The following SHKBP1 variants were observed in gnomAD, a reference collection of about 807,000 sequenced individuals.
The protein encoded by SHKBP1 is SH3KBP1 binding protein 1.
In SHKBP1, 71 loss-of-function variants were observed where a neutral mutation model predicts 83.9. That is an observed-to-expected ratio of 0.85 (90% CI 0.70 to 1.03). The LOEUF (loss-of-function observed/expected upper bound fraction) is 1.03. Ranked by LOEUF, SHKBP1 falls within the 50% of genes least tolerant of loss-of-function variation. The pLI is 0.00. For missense variants in SHKBP1, 824 were observed against 982.4 expected (o/e 0.84, Z 2.16); for synonymous variants, 371 against 398.0 (o/e 0.93, Z 0.81).
intron 10 of SHKBP1, among the ~76,000 whole-genome samples, chr19:40,582,746 G>T (rs1435386673): frequency 6.6e-6 from 1 of 151,230 alleles, no homozygotes; most frequent in East Asian, 1.9e-4. Context: ...AGGTTAGGGG[G>T]GATGCTGTAG....
At position 40,576,994 on chromosome 19, in the gene SHKBP1, G is replaced by T. The variant is rs560527734; in HGVS notation, c.86+9G>T. On this transcript the variant is annotated intron_variant, in intron 1 of 17. Coordinates refer to ENST00000291842, the MANE Select transcript of SHKBP1 (RefSeq NM_138392.4). The stretch of plus-strand genomic sequence containing the variant: ...AATGTGGGAGGCAAGAGGTGAGTGT[G>T]GGAGACTCCTGAGGTCCCATCCTCG... 5.9e-5 allele frequency: 90 copies of T among 1,514,956 alleles called. No individual in the cohort carries two copies. Among genetic ancestry groups the T allele is most frequent in the Middle Eastern group, 5.3e-4 (3 of 5,696 alleles). The allele number at this position is 1,514,956 out of a possible 1,614,324, so 93.8% of individuals were successfully genotyped here.
Position 40,578,449 on chromosome 19 carries a change from C to A in SHKBP1, c.320-13C>A. On this transcript the variant is annotated splice_polypyrimidine_tract_variant and intron_variant, in intron 5 of 17. Coordinates refer to ENST00000291842, the MANE Select transcript of SHKBP1 (RefSeq NM_138392.4). ...TCTCCCTAAGTCCCAGCCTTTAAGTCCTCCTGTTGCAGTTCGTCGCCTGCA... is the reference window on the plus strand; with the variant it reads ...TCTCCCTAAGTCCCAGCCTTTAAGTACTCCTGTTGCAGTTCGTCGCCTGCA... 1 of 1,614,028 alleles carries A rather than the reference C, an allele frequency of 6.2e-7. No individual in the cohort carries two copies. Among genetic ancestry groups the A allele is most frequent in the Non-Finnish European group, 8.5e-7 (1 of 1,179,934 alleles).
At chr19:40,577,192 C>T (rs750882473) in intron 1 of SHKBP1, 39 bp from the exon 2 acceptor site, 55 of 1,610,308 alleles carry the variant, frequency 3.4e-5, no homozygotes, top group Non-Finnish European at 4.6e-5. Flanking sequence ...CTCACCCGCT[C>T]CTCTTCATCT....
chr19:40,587,722 G>A (rs2081323655), intron 13 of SHKBP1, among the ~76,000 whole-genome samples: 1 of 152,190 alleles, frequency 6.6e-6, no homozygotes, highest in Admixed American at 6.5e-5. Context: ...ACAACAAAGT[G>A]AGACATTGTT....
intron 1 of SHKBP1, 101 bp from the exon 2 acceptor site, chr19:40,577,127 CCGG>C: frequency 6.8e-7 from 1 of 1,463,376 alleles, no homozygotes; most frequent in Non-Finnish European, 9.4e-7. Flanking sequence ...TGGAAAAACG[CCGG>C]GGGAGGGGGA....
intron 11 of SHKBP1, 46 bp from the exon 12 acceptor site, chr19:40,583,555 T>C (rs898352366): frequency 6.2e-7 from 1 of 1,611,206 alleles, no homozygotes; most frequent in Non-Finnish European, 8.5e-7. Flanking sequence ...GGAGAGAGGC[T>C]GGGGCACTTG....
intron 6 of SHKBP1, among the ~76,000 whole-genome samples, chr19:40,579,209 T>C (rs901743428): frequency 6.6e-6 from 1 of 152,076 alleles, no homozygotes; most frequent in African/African-American, 2.4e-5. Flanking sequence ...GCCTCTCAGA[T>C]TCAAGCCATC....
At chr19:40,583,539 A>AG in intron 11 of SHKBP1, 54 bp downstream of exon 11, 2 of 1,610,200 alleles carry the variant, frequency 1.2e-6, no homozygotes, top group South Asian at 2.2e-5. Flanking sequence ...GGAGAGGGGA[A>AG]GGGAGGGAGA....
intron 5 of SHKBP1, 56 bp downstream of exon 5, chr19:40,578,268 G>A: frequency 6.4e-7 from 1 of 1,559,570 alleles, no homozygotes; most frequent in Non-Finnish European, 8.8e-7. Flanking sequence ...ACTCTGTGAT[G>A]CTACCTGCCC....
At chr19:40,582,108 G>C (rs774938303) in intron 9 of SHKBP1, among the ~76,000 whole-genome samples, 14 of 152,052 alleles carry the variant, frequency 9.2e-5, no homozygotes, top group Non-Finnish European at 1.9e-4. Flanking sequence ...TTTTAGTAGA[G>C]ATGGAGTTTC....
At chr19:40,580,089 T>C (rs78324594) in intron 6 of SHKBP1, 11,338 of 362,544 alleles carry the variant, frequency 0.031, 253 homozygotes, top group Non-Finnish European at 0.039. Flanking sequence ...TTCATTAATA[T>C]CACAGCAGCA....
chr19:40,583,373 G>A, intron 10 of SHKBP1, 25 bp from the exon 11 acceptor site: 2 of 1,543,624 alleles, frequency 1.3e-6, no homozygotes, highest in Non-Finnish European at 1.8e-6. Context: ...GCTCCCGGCT[G>A]CAGCCTGTCC....
intron 13 of SHKBP1, 131 bp from the exon 14 acceptor site, chr19:40,588,493 G>T (rs1323014978): frequency 8.7e-7 from 1 of 1,153,032 alleles, no homozygotes; most frequent in South Asian, 1.4e-5. Flanking sequence ...GGGGAGGAAA[G>T]GATTCTCTGA....
intron 4 of SHKBP1, 157 bp from the exon 5 acceptor site, chr19:40,577,997 C>G: frequency 1.5e-6 from 1 of 663,694 alleles, no homozygotes; most frequent in Non-Finnish European, 2.8e-6. Context: ...ACACACTCAA[C>G]ATTTCCTCCA....
intron 9 of SHKBP1, among the ~76,000 whole-genome samples, chr19:40,581,470 G>A (rs1016797321): frequency 4.0e-5 from 6 of 150,642 alleles, no homozygotes; most frequent in African/African-American, 9.8e-5. Flanking sequence ...AGCTGAGATC[G>A]CACCACTGCA....
chr19:40,588,666 G>A lies in SHKBP1; in HGVS notation c.1379G>A (p.Arg460His), dbSNP rs1187396277. ...NNHVRTWSVT[R>H]FRGMISTQPG... Reference sequence around the variant, plus strand: ...CACGTGCGGACATGGTCTGTGACTCGCTTCCGCGGCATGATTTCCACCCAG... The same window carrying A: ...CACGTGCGGACATGGTCTGTGACTCACTTCCGCGGCATGATTTCCACCCAG... Residue 460 changes from arginine to histidine, a missense_variant, in exon 14 of 18, where the codon CGC becomes CAC. Around this residue, in one of 3 missense-constraint regions of SHKBP1, gnomAD observed 182 missense variants for 273.1 expected, o/e 0.67. Coordinates refer to ENST00000291842, the MANE Select transcript of SHKBP1 (RefSeq NM_138392.4). The A allele has an allele frequency of 1.2e-6, 2 of 1,614,120 alleles. No individual in the cohort carries two copies. Among genetic ancestry groups the A allele is most frequent in the Admixed American group, 1.7e-5 (1 of 60,028 alleles).
chr19:40,582,259 C>A, intron 9 of SHKBP1, 92 bp from the exon 10 acceptor site: 2 of 962,882 alleles, frequency 2.1e-6, no homozygotes, highest in South Asian at 1.3e-5. Context: ...ATTCTGTGGT[C>A]CCACTGAACC....
rs903459241 is a variant in SHKBP1, at chr19:40,580,567, A to G, written c.564A>G (p.Gly188=). Residue 188 remains glycine, a splice_region_variant and synonymous_variant, in exon 8 of 18, where the codon GGA becomes GGG. Coordinates refer to ENST00000291842, the MANE Select transcript of SHKBP1 (RefSeq NM_138392.4). ...CTGATCCCTACTCTTCCCCTCAAGG[A>G]CAACCTGAGGAGCCGGGGATGGTGC... The part of the protein sequence containing the change: ...LDEKTPPSPS[G]QPEEPGMVRL... 8 of 1,613,982 alleles carry G rather than the reference A, an allele frequency of 5.0e-6. No individual in the cohort carries two copies. Among genetic ancestry groups the G allele is most frequent in the Non-Finnish European group, 6.8e-6 (8 of 1,179,994 alleles).
At chr19:40,585,550 T>TTTTTTTTTCTTTTTTTTTTTTTTTC (rs398034634) in intron 12 of SHKBP1, 1 of 144,712 alleles carries the variant, frequency 6.9e-6, no homozygotes. Context: ...TTTTTTTTTT[T>TTTTTTTTTCTTTTTTTTTTTTTTTC]GTCTTTTCCT....
Sources: gnomAD v4.1 joint callset for allele counts (sites outside exome capture counted in the v4.1 genomes callset) on GRCh38, gnomAD v4.1.1 for gene constraint, gnomAD v4.1.1 regional missense constraint, MANE v1.5 for transcripts, NCBI Gene and HGNC (gene_info 2026-07-23, HGNC 2026-07-21) for gene names.